Variants in CAGE1 observed in about 807,000 individuals in gnomAD.
The protein encoded by CAGE1 is cancer antigen 1.
CAGE1 carries 66 observed loss-of-function variants against 94.9 expected under a neutral mutation model. That is an observed-to-expected ratio of 0.70 (90% CI 0.57 to 0.85). The LOEUF is 0.85. Ranked by LOEUF, CAGE1 falls within the 40% of genes least tolerant of loss-of-function variation. The probability of loss-of-function intolerance (pLI) is 0.00; values close to 1 mark genes in which losing one functional copy is unlikely to be tolerated. For missense variants in CAGE1, 865 were observed against 950.4 expected (o/e 0.91, Z 1.18); for synonymous variants, 319 against 321.0 (o/e 0.99, Z 0.07).
rs552310007 is a variant in CAGE1 at position 7,381,901 on chromosome 6, G to T, written c.284-2881C>A. 2.0e-5 allele frequency among the ~76,000 whole-genome samples: 3 copies of T among 146,702 alleles called. No individual in the cohort carries two copies. In the East Asian group the frequency reaches 6.2e-4, roughly 30 times the overall value. On this transcript the variant is annotated intron_variant, in intron 3 of 13. Coordinates refer to ENST00000502583, the MANE Select transcript of CAGE1 (RefSeq NM_001170692.2). ...TGTCCCCAGGCTGGAGTGCAGTGGC[G>T]CGATCTCGGCTCGCTGCAAGCTCTG...
intron 9 of CAGE1, among the ~76,000 whole-genome samples, chr6:7,363,770 A>G (rs1347652636): frequency 6.6e-6 from 1 of 152,224 alleles, no homozygotes; most frequent in Non-Finnish European, 1.5e-5. Context: ...CGGTGTGTTC[A>G]AGTATTGGTC....
At chr6:7,366,996 A>G (rs1199196773) in intron 7 of CAGE1, among the ~76,000 whole-genome samples, 1 of 152,172 alleles carries the variant, frequency 6.6e-6, no homozygotes, top group Non-Finnish European at 1.5e-5. Flanking sequence ...ATTCAAACTG[A>G]TTAGTGAAGT....
At chr6:7,376,424 AT>A (rs1760746494) in intron 4 of CAGE1, among the ~76,000 whole-genome samples, 8 of 151,358 alleles carry the variant, frequency 5.3e-5, no homozygotes, top group Non-Finnish European at 1.2e-4. Context: ...AAATAAATAA[AT>A]AAATAAATAA....
intron 11 of CAGE1, among the ~76,000 whole-genome samples, chr6:7,352,296 A>C (rs1376108371): frequency 1.1e-3 from 138 of 122,014 alleles, no homozygotes; most frequent in African/African-American, 2.5e-3. Flanking sequence ...GCTGCAAAAA[A>C]AAAAAAAAAC....
intron 11 of CAGE1, among the ~76,000 whole-genome samples, chr6:7,345,520 T>C (rs1759450492): frequency 6.6e-6 from 1 of 152,240 alleles, no homozygotes; most frequent in South Asian, 2.1e-4. Context: ...TCACTCTGGC[T>C]GCATATACAG....
chr6:7,345,664 A>C, intron 11 of CAGE1, among the ~76,000 whole-genome samples: 1 of 152,200 alleles, frequency 6.6e-6, no homozygotes, highest in East Asian at 1.9e-4. Context: ...GCAGTGGCTC[A>C]TGCTTGTAAT....
intron 6 of CAGE1, 142 bp from the exon 7 acceptor site, chr6:7,368,940 T>C (rs1352846513): frequency 1.8e-6 from 1 of 565,274 alleles, no homozygotes; most frequent in Non-Finnish European, 3.1e-6. Flanking sequence ...TTGAACTCCA[T>C]TCCTCAATTA....
In CAGE1 at chr6:7,387,795, G is replaced by A. The variant is rs373725897; in HGVS notation, c.-23-599C>T. 1.8e-3 allele frequency among the ~76,000 whole-genome samples: 268 copies of A among 151,014 alleles called. 11 individuals are homozygous for A. The South Asian group carries it at 0.051, about 29-fold the overall frequency. On this transcript the variant is annotated intron_variant, in intron 1 of 13. Coordinates refer to ENST00000502583, the MANE Select transcript of CAGE1 (RefSeq NM_001170692.2). ...AGCACTTTGGGAGGCCGACGCGGGC[G>A]GATCACGAGGTCAGGAGATCGAGAT...
chr6:7,343,979 G>A (rs991492036), intron 11 of CAGE1, among the ~76,000 whole-genome samples: 1 of 152,224 alleles, frequency 6.6e-6, no homozygotes, highest in African/African-American at 2.4e-5. Flanking sequence ...ATGTTGTTTG[G>A]AGCAGGAACT....
intron 11 of CAGE1, among the ~76,000 whole-genome samples, chr6:7,345,907 A>G (rs1303063384): frequency 6.6e-6 from 1 of 152,120 alleles, no homozygotes; most frequent in East Asian, 1.9e-4. Flanking sequence ...CCTGGGTGAC[A>G]GAACGAGAGT....
chr6:7,353,516 A>G (rs1759852390), intron 11 of CAGE1, among the ~76,000 whole-genome samples: 1 of 152,218 alleles, frequency 6.6e-6, no homozygotes, highest in Non-Finnish European at 1.5e-5. Context: ...AAGTAGAACT[A>G]TCATTTGATC....
At chr6:7,346,407 C>T (rs539980090) in intron 11 of CAGE1, among the ~76,000 whole-genome samples, 45 of 151,354 alleles carry the variant, frequency 3.0e-4, no homozygotes, top group Non-Finnish European at 5.8e-4. Flanking sequence ...ATAAAAGTCA[C>T]GCATGGTGGT....
Position 7,333,885 on chromosome 6 carries a change from C to A in CAGE1, c.2438+137G>T, listed in dbSNP as rs552154918. On this transcript the variant is annotated intron_variant, in intron 12 of 13. Coordinates refer to ENST00000502583, the MANE Select transcript of CAGE1 (RefSeq NM_001170692.2). Reference sequence around the variant, plus strand: ...GTTTTGCCATGTTGGCCAGGCTGGTCTCGAACTCCTGACCTCAGGTGATCC... The same window carrying A: ...GTTTTGCCATGTTGGCCAGGCTGGTATCGAACTCCTGACCTCAGGTGATCC... The A allele has an allele frequency of 1.6e-4, 83 of 522,744 alleles. 1 individual carries two copies. In the East Asian group the frequency reaches 3.2e-3, roughly 20 times the overall value. The allele number at this position is 522,744 out of a possible 1,614,324, so 32.4% of individuals were successfully genotyped here. A position where few individuals can be genotyped will look rare whatever the true frequency, so the allele number is the denominator to read the frequency against.
chr6:7,374,054 T>C lies in CAGE1; in HGVS notation c.765A>G (p.Thr255=). The C allele has an allele frequency of 6.2e-7, 1 of 1,614,034 alleles. No homozygotes were observed. Among genetic ancestry groups the C allele is most frequent in the Non-Finnish European group, 8.5e-7 (1 of 1,179,900 alleles). Residue 255 remains threonine (T), a synonymous_variant, in exon 5 of 14, where the codon ACA becomes ACG. Transcript: ENST00000502583. ...EMSVSYEKEV[T]AEGVERPEIV... ...TTTCTGGCCTCTCCACACCCTCTGCTGTGACTTCCTTTTCATAACTGACTG... is the reference window on the plus strand; with the variant it reads ...TTTCTGGCCTCTCCACACCCTCTGCCGTGACTTCCTTTTCATAACTGACTG...
chr6:7,340,183 T>G (rs1451013633), intron 11 of CAGE1, among the ~76,000 whole-genome samples: 1 of 152,252 alleles, frequency 6.6e-6, no homozygotes, highest in Admixed American at 6.5e-5. Flanking sequence ...ATGCTGAGCA[T>G]TTTTTCATAC....
intron 9 of CAGE1, among the ~76,000 whole-genome samples, chr6:7,358,027 G>GAGATATATATATATAT (rs1314868882): frequency 8.3e-5 from 4 of 48,070 alleles, no homozygotes; most frequent in East Asian, 1.1e-3. Context: ...TAAGTTTTGA[G>GAGATATATATATATAT]ATATATATAT....
intron 11 of CAGE1, among the ~76,000 whole-genome samples, chr6:7,344,378 G>A (rs976642206): frequency 1.3e-5 from 2 of 152,236 alleles, no homozygotes; most frequent in African/African-American, 4.8e-5. Flanking sequence ...GCTGCAGAGG[G>A]TGTACTGGGT....
intron 9 of CAGE1, among the ~76,000 whole-genome samples, chr6:7,359,296 C>G (rs1760091405): frequency 6.6e-6 from 1 of 152,216 alleles, no homozygotes; most frequent in Non-Finnish European, 1.5e-5. Flanking sequence ...ATCCACCCAC[C>G]TCGGCCTCCC....
Position 7,356,062 on chromosome 6 carries a change from T to G in CAGE1, c.2261A>C (p.Asp754Ala), listed in dbSNP as rs1355238038. Residue 754 changes from aspartate (D) to alanine (A), a missense_variant, in exon 10 of 14, where the codon GAC (aspartate) becomes GCC (alanine). Coordinates refer to ENST00000502583, the MANE Select transcript of CAGE1 (RefSeq NM_001170692.2). ...NHCNRLIEEN[D>A]KYQRHLGNLI... ...GTTGCCTAAATGTCTTTGATACTTGTCATTTTCTTCAATGAGTCTGTTGCA... is the reference window on the plus strand; with the variant it reads ...GTTGCCTAAATGTCTTTGATACTTGGCATTTTCTTCAATGAGTCTGTTGCA... 3 of 1,549,886 alleles carry G rather than the reference T, an allele frequency of 1.9e-6. No homozygotes were observed. Among genetic ancestry groups the G allele is most frequent in the South Asian group, 2.4e-5 (2 of 83,998 alleles).
Sources: allele counts gnomAD v4.1 joint callset (sites outside exome capture counted in the v4.1 genomes callset), GRCh38; gene constraint gnomAD v4.1.1; transcripts MANE v1.5; gene names NCBI Gene and HGNC (gene_info 2026-07-23, HGNC 2026-07-21).